Variants in FAT3 observed in about 807,000 individuals in gnomAD.
FAT3 encodes protocadherin Fat 3.
A neutral mutation model predicts 310.2 loss-of-function variants in FAT3; 95 were observed. That is an observed-to-expected ratio of 0.31 (90% CI 0.26 to 0.36). FAT3 has a LOEUF of 0.36. FAT3 is among the 10% of genes least tolerant of loss of function. The pLI is 1.00. For missense variants in FAT3, 5,408 were observed against 5,715.6 expected, an observed-to-expected ratio of 0.95 and a Z score of 1.74; for synonymous variants, 2,314 against 2,192.9, an observed-to-expected ratio of 1.06 and a Z score of -1.54.
In FAT3 at chr11:92,890,643, G is replaced by A. The variant is rs2136444411; in HGVS notation, c.13300G>A (p.Asp4434Asn). The A allele has an allele frequency of 6.2e-7, 1 of 1,613,814 alleles. No homozygotes were observed. The highest frequency in any genetic ancestry group is 8.5e-7 in the Non-Finnish European group (1 of 1,179,874). Residue 4434 changes from aspartate to asparagine, a missense_variant, in exon 28 of 28, where the codon GAC (aspartate) becomes AAC (asparagine). Physicochemically the swap from Asp to Asn is conservative, Grantham distance 23 (BLOSUM62 1). This residue lies in a region of FAT3 where 649 missense variants were observed against 666.2 expected (regional missense o/e 0.97). Transcript: ENST00000525166. ...SDYYLGGYDI[D>N]SEYPPPHEEE... ...TTACTACCTGGGTGGTTATGACATT[G>A]ACAGTGAATACCCACCCCCTCATGA...
At chr11:92,285,289 G>A (rs1460045092) in intron 1 of FAT3, among the ~76,000 whole-genome samples, 1 of 143,542 alleles carries the variant, frequency 7.0e-6, no homozygotes, top group East Asian at 2.0e-4. Context: ...AGTTTTTCTA[G>A]TTAGACATAC....
chr11:92,612,536 A>G (rs1056420906), intron 3 of FAT3, among the ~76,000 whole-genome samples: 7 of 152,212 alleles, frequency 4.6e-5, no homozygotes, highest in Non-Finnish European at 1.0e-4. Flanking sequence ...TCAGAAGACC[A>G]TTTTTTAAAA....
chr11:92,480,634 T>C (rs1952196664), intron 2 of FAT3, among the ~76,000 whole-genome samples: 1 of 152,222 alleles, frequency 6.6e-6, no homozygotes, highest in African/African-American at 2.4e-5. Context: ...CAGCATTCTA[T>C]GATGCATGTG....
intron 2 of FAT3, among the ~76,000 whole-genome samples, chr11:92,444,760 TG>T (rs1416366183): frequency 6.6e-6 from 1 of 152,004 alleles, no homozygotes; most frequent in Non-Finnish European, 1.5e-5. Context: ...CATCTGATTG[TG>T]GCAGCTGTCA....
At chr11:92,366,528 C>T (rs1238850979) in intron 2 of FAT3, 6 of 485,358 alleles carry the variant, frequency 1.2e-5, no homozygotes, top group Non-Finnish European at 2.1e-5. Flanking sequence ...GCAGCCGCAG[C>T]TTCCATGGCT....
chr11:92,709,156 C>T (rs181088079), intron 4 of FAT3, among the ~76,000 whole-genome samples: 2 of 152,336 alleles, frequency 1.3e-5, no homozygotes, highest in East Asian at 1.9e-4. Flanking sequence ...TTATCACTAA[C>T]CCCTAAGCTT....
intron 2 of FAT3, among the ~76,000 whole-genome samples, chr11:92,444,755 G>T (rs1951171305): frequency 6.6e-6 from 1 of 151,776 alleles, no homozygotes; most frequent in African/African-American, 2.4e-5. Context: ...CAGGACATCT[G>T]ATTGTGGCAG....
At chr11:92,708,240 T>G (rs1318191473) in intron 4 of FAT3, among the ~76,000 whole-genome samples, 2 of 152,216 alleles carry the variant, frequency 1.3e-5, no homozygotes, top group Non-Finnish European at 1.5e-5. Context: ...GTTTAATTTT[T>G]GGGAGTGTAG....
intron 2 of FAT3, among the ~76,000 whole-genome samples, chr11:92,475,648 A>T (rs1952031221): frequency 6.6e-6 from 1 of 152,202 alleles, no homozygotes; most frequent in Non-Finnish European, 1.5e-5. Flanking sequence ...GACTGGAAAA[A>T]AAAGAAATGC....
intron 2 of FAT3, among the ~76,000 whole-genome samples, chr11:92,523,172 T>C (rs574973828): frequency 1.3e-5 from 2 of 152,310 alleles, no homozygotes; most frequent in African/African-American, 4.8e-5. Flanking sequence ...CTTTTGTTGT[T>C]GTTGTTGCTT....
intron 1 of FAT3, among the ~76,000 whole-genome samples, chr11:92,257,313 T>C (rs1234115162): frequency 6.6e-6 from 1 of 152,132 alleles, no homozygotes; most frequent in Non-Finnish European, 1.5e-5. Flanking sequence ...GGTCTTGTTA[T>C]AAAGTTTACA....
chr11:92,554,803 A>G (rs1013746964), intron 3 of FAT3, among the ~76,000 whole-genome samples: 13 of 152,150 alleles, frequency 8.5e-5, no homozygotes, highest in African/African-American at 3.1e-4. Flanking sequence ...CGTTGTTGCC[A>G]GTCTCTTTGA....
At chr11:92,339,842 G>A (rs1381191195) in intron 1 of FAT3, among the ~76,000 whole-genome samples, 1 of 152,060 alleles carries the variant, frequency 6.6e-6, no homozygotes, top group African/African-American at 2.4e-5. Flanking sequence ...GGCCAGGCGC[G>A]GTGGCTCAAG....
At chr11:92,569,513 G>A (rs929389569) in intron 3 of FAT3, among the ~76,000 whole-genome samples, 10 of 152,152 alleles carry the variant, frequency 6.6e-5, no homozygotes, top group African/African-American at 2.4e-4. Context: ...CGAAAGTTGA[G>A]AACAAGGCCT....
intron 7 of FAT3, among the ~76,000 whole-genome samples, chr11:92,783,082 G>A (rs908364390): frequency 2.3e-4 from 35 of 151,942 alleles, no homozygotes; most frequent in African/African-American, 6.8e-4. Context: ...GTGGCTTGCC[G>A]GGTGCAATGG....
At chr11:92,245,490 T>TA (rs890830073) in intron 1 of FAT3, among the ~76,000 whole-genome samples, 1 of 151,982 alleles carries the variant, frequency 6.6e-6, no homozygotes, top group African/African-American at 2.4e-5. Flanking sequence ...TAAAGTATAA[T>TA]AAAAAAGAAT....
intron 18 of FAT3, 56 bp from the exon 19 acceptor site, chr11:92,843,878 A>G: frequency 1.3e-6 from 2 of 1,502,536 alleles, no homozygotes; most frequent in Non-Finnish European, 1.8e-6. Flanking sequence ...GTTTTTAAAA[A>G]CTTACTATGA....
At chr11:92,518,152 T>A (rs1953550625) in intron 2 of FAT3, among the ~76,000 whole-genome samples, 1 of 152,082 alleles carries the variant, frequency 6.6e-6, no homozygotes, top group Non-Finnish European at 1.5e-5. Context: ...TACCCAGCAA[T>A]CCCATTACTG....
intron 3 of FAT3, among the ~76,000 whole-genome samples, chr11:92,609,626 A>G (rs1054187123): frequency 6.6e-6 from 1 of 152,244 alleles, no homozygotes; most frequent in Admixed American, 6.5e-5. Flanking sequence ...GCTATTAAAA[A>G]TAACCTAAAG....
Sources: allele counts gnomAD v4.1 joint callset (sites outside exome capture counted in the v4.1 genomes callset), GRCh38; gene constraint gnomAD v4.1.1; regional missense constraint gnomAD v4.1.1; transcripts MANE v1.5; gene names NCBI Gene and HGNC (gene_info 2026-07-23, HGNC 2026-07-21).